The following NMNAT2 variants were observed in gnomAD, a reference collection of about 807,000 sequenced individuals.
NMNAT2 encodes nicotinamide/nicotinic acid mononucleotide adenylyltransferase 2.
A neutral mutation model predicts 41.6 loss-of-function variants in NMNAT2; 11 were observed. The observed-to-expected ratio is 0.26, with a 90% CI of 0.17 to 0.44. NMNAT2 has a LOEUF of 0.44. NMNAT2 is among the 20% of genes least tolerant of loss of function. The pLI is 1.00. For missense variants in NMNAT2, 288 were observed against 407.7 expected (o/e 0.71, Z 2.53); for synonymous variants, 148 against 151.2 (o/e 0.98, Z 0.16).
At chr1:183,327,026 T>TTATGTATGTATGTATG (rs368278255) in intron 1 of NMNAT2, among the ~76,000 whole-genome samples, 46 of 143,280 alleles carry the variant, frequency 3.2e-4, no homozygotes, top group African/African-American at 1.1e-3. Flanking sequence ...TAATTATATT[T>TTATGTATGTATGTATG]TATGTATGTA....
chr1:183,273,065 T>C (rs1029470558), intron 8 of NMNAT2, among the ~76,000 whole-genome samples: 13 of 152,244 alleles, frequency 8.5e-5, no homozygotes, highest in African/African-American at 3.1e-4. Flanking sequence ...TTAGCTTACA[T>C]TTGTGCCAAT....
intron 1 of NMNAT2, among the ~76,000 whole-genome samples, chr1:183,320,581 G>A (rs1288081036): frequency 2.6e-5 from 4 of 152,178 alleles, no homozygotes; most frequent in African/African-American, 9.6e-5. Context: ...CAGCCTGGGC[G>A]ACAGAGCGAG....
intron 1 of NMNAT2, among the ~76,000 whole-genome samples, chr1:183,369,182 T>G (rs1013323550): frequency 6.6e-6 from 1 of 152,074 alleles, no homozygotes; most frequent in Non-Finnish European, 1.5e-5. Flanking sequence ...GGTTCAGTCT[T>G]AAGTGCTTAA....
At chr1:183,319,458 G>A (rs567102044) in intron 1 of NMNAT2, among the ~76,000 whole-genome samples, 1 of 152,320 alleles carries the variant, frequency 6.6e-6, no homozygotes, top group South Asian at 2.1e-4. Context: ...ATGTTCTCGA[G>A]GTTGAGCCAG....
intron 1 of NMNAT2, among the ~76,000 whole-genome samples, chr1:183,338,180 A>G (rs1662718110): frequency 1.8e-5 from 1 of 54,088 alleles, no homozygotes. Flanking sequence ...CAAATGCTAC[A>G]GGATACAGAT....
intron 1 of NMNAT2, among the ~76,000 whole-genome samples, chr1:183,301,103 T>G (rs1334239183): frequency 6.6e-6 from 1 of 152,258 alleles, no homozygotes; most frequent in Non-Finnish European, 1.5e-5. Context: ...ATTTTGATAT[T>G]TTAAAATATT....
intron 1 of NMNAT2, among the ~76,000 whole-genome samples, chr1:183,375,902 T>A (rs1455770126): frequency 1.3e-5 from 2 of 152,254 alleles, no homozygotes; most frequent in Non-Finnish European, 2.9e-5. Context: ...ACCTGTGCTG[T>A]GTAGATAATT....
chr1:183,331,033 C>CCCTT (rs1018289648), intron 1 of NMNAT2, among the ~76,000 whole-genome samples: 2 of 152,014 alleles, frequency 1.3e-5, no homozygotes, highest in East Asian at 1.9e-4. Flanking sequence ...CTTTTTCCCA[C>CCCTT]CCTTCCTTCC....
At chr1:183,330,774 A>T (rs1662565404) in intron 1 of NMNAT2, among the ~76,000 whole-genome samples, 2 of 152,232 alleles carry the variant, frequency 1.3e-5, no homozygotes, top group Non-Finnish European at 2.9e-5. Flanking sequence ...GGTTAATTCA[A>T]GCAGAATCAG....
intron 1 of NMNAT2, among the ~76,000 whole-genome samples, chr1:183,334,667 G>A (rs1427840788): frequency 6.6e-6 from 1 of 151,726 alleles, no homozygotes; most frequent in Non-Finnish European, 1.5e-5. Flanking sequence ...CCACCACCAA[G>A]CCCAGCTAAT....
intron 1 of NMNAT2, among the ~76,000 whole-genome samples, chr1:183,388,903 G>A (rs1320041408): frequency 6.6e-6 from 1 of 152,166 alleles, no homozygotes; most frequent in African/African-American, 2.4e-5. Context: ...CCAGACCCTT[G>A]TGGGCAGCCT....
At chr1:183,352,529 C>T (rs1320197392) in intron 1 of NMNAT2, among the ~76,000 whole-genome samples, 3 of 132,716 alleles carry the variant, frequency 2.3e-5, no homozygotes, top group Non-Finnish European at 4.6e-5. Context: ...CACCACTATA[C>T]TCTAGCCTGG....
intron 7 of NMNAT2, among the ~76,000 whole-genome samples, chr1:183,281,525 T>A (rs995497130): frequency 6.6e-5 from 10 of 152,248 alleles, no homozygotes; most frequent in African/African-American, 2.4e-4. Flanking sequence ...ATGGGACTTT[T>A]ATGTTTTAAG....
intron 10 of NMNAT2, among the ~76,000 whole-genome samples, chr1:183,253,300 T>C (rs1224666829): frequency 6.8e-6 from 1 of 147,728 alleles, no homozygotes; most frequent in Admixed American, 6.8e-5. Context: ...GTGTTAATAT[T>C]ATATTATATT....
At chr1:183,293,859 A>G (rs1381719894) in intron 1 of NMNAT2, 66 bp from the exon 2 acceptor site, 1 of 1,094,940 alleles carries the variant, frequency 9.1e-7, no homozygotes, top group Non-Finnish European at 1.4e-6. Flanking sequence ...GATAATTGAA[A>G]TCAATACGCT....
At chr1:183,325,079 G>A (rs1162467957) in intron 1 of NMNAT2, among the ~76,000 whole-genome samples, 2 of 152,218 alleles carry the variant, frequency 1.3e-5, no homozygotes, top group African/African-American at 4.8e-5. Flanking sequence ...TGGGTAGAGA[G>A]TATGTGACTG....
chr1:183,275,860 G>T (rs2102294747), intron 8 of NMNAT2, among the ~76,000 whole-genome samples: 1 of 152,222 alleles, frequency 6.6e-6, no homozygotes, highest in Admixed American at 6.5e-5. Context: ...TTTTAGTAGA[G>T]ACAGGGTTTC....
intron 1 of NMNAT2, among the ~76,000 whole-genome samples, chr1:183,371,201 T>C (rs1663532603): frequency 6.6e-6 from 1 of 152,012 alleles, no homozygotes; most frequent in Admixed American, 6.6e-5. Context: ...GATTACTAAG[T>C]GAAAGAAGCT....
intron 1 of NMNAT2, among the ~76,000 whole-genome samples, chr1:183,300,837 C>T (rs1043259761): frequency 6.6e-6 from 1 of 152,156 alleles, no homozygotes; most frequent in African/African-American, 2.4e-5. Context: ...TTGCTGCTGT[C>T]TAGATTAGAA....
Sources: gnomAD v4.1 joint callset for allele counts (sites outside exome capture counted in the v4.1 genomes callset) on GRCh38, gnomAD v4.1.1 for gene constraint, MANE v1.5 for transcripts, NCBI Gene and HGNC (gene_info 2026-07-23, HGNC 2026-07-21) for gene names.